FRMPD2: variants seen among roughly 807,000 people sequenced by gnomAD.
FRMPD2 encodes FERM and PDZ domain containing 2.
A neutral mutation model predicts 140.1 loss-of-function variants in FRMPD2; 96 were observed. The observed-to-expected ratio is 0.69, with a 90% CI of 0.58 to 0.81. FRMPD2 has a LOEUF of 0.81. Ranked by LOEUF, FRMPD2 falls within the 40% of genes least tolerant of loss-of-function variation. The probability of loss-of-function intolerance (pLI) is 0.00; values close to 1 mark genes in which losing one functional copy is unlikely to be tolerated. For synonymous variants in FRMPD2, 449 were observed against 547.6 expected, an observed-to-expected ratio of 0.82 and a Z score of 2.52; for missense variants, 1,240 against 1,447.4, an observed-to-expected ratio of 0.86 and a Z score of 2.32.
intron 12 of FRMPD2, among the ~76,000 whole-genome samples, chr10:48,212,401 G>GCATTGT (rs1839348456): frequency 6.6e-6 from 1 of 152,136 alleles, no homozygotes; most frequent in Non-Finnish European, 1.5e-5. Context: ...TCTGAAGATG[G>GCATTGT]CATTGTCATT....
At chr10:48,179,012 G>A (rs1838479362) in intron 21 of FRMPD2, 2 of 151,038 alleles carry the variant, frequency 1.3e-5, no homozygotes, top group South Asian at 4.3e-4. Context: ...TACATATAAA[G>A]TGCTCAGGAC....
intron 5 of FRMPD2, 103 bp from the exon 6 acceptor site, chr10:48,240,595 C>T (rs1379467822): frequency 9.4e-6 from 14 of 1,487,898 alleles, no homozygotes; most frequent in Non-Finnish European, 1.3e-5. Flanking sequence ...GTGGAATTGT[C>T]TGCCCTATAC....
chr10:48,203,582 G>A (rs144459866), intron 14 of FRMPD2, among the ~76,000 whole-genome samples: 1 of 152,102 alleles, frequency 6.6e-6, no homozygotes, highest in Non-Finnish European at 1.5e-5. Context: ...CAAAGCATCA[G>A]TTTACCATTT....
chr10:48,274,612 C>A lies in FRMPD2; in HGVS notation c.-45G>T. On this transcript the variant is annotated 5_prime_UTR_variant, in exon 1 of 29. Transcript: ENST00000374201. Reference sequence around the variant, plus strand: ...GGTCTAGGCCTTCATCATGGGACAACTTTCCAACAAGGAGCAGGGGTCTCT... The same window carrying A: ...GGTCTAGGCCTTCATCATGGGACAAATTTCCAACAAGGAGCAGGGGTCTCT... The A allele has an allele frequency of 6.2e-7, 1 of 1,604,806 alleles. No individual in the cohort carries two copies. Among genetic ancestry groups the A allele is most frequent in the Non-Finnish European group, 8.5e-7 (1 of 1,172,460 alleles).
At chr10:48,259,237 A>T (rs1381315706) in intron 1 of FRMPD2, among the ~76,000 whole-genome samples, 1 of 152,222 alleles carries the variant, frequency 6.6e-6, no homozygotes, top group East Asian at 1.9e-4. Flanking sequence ...GAGTTTTCAT[A>T]AACTTCTGTG....
chr10:48,236,533 G>A lies in FRMPD2; in HGVS notation c.942C>T (p.Ile314=), dbSNP rs1486406776. The A allele has an allele frequency of 6.2e-7, 1 of 1,614,150 alleles. No individual in the cohort carries two copies. Among genetic ancestry groups the A allele is most frequent in the South Asian group, 1.1e-5 (1 of 91,074 alleles). The stretch of plus-strand genomic sequence containing the variant: ...TCATCGGGGCCTCTCCAGCCAACAG[G>A]ATGAACTCTGGCCTGGAAAACTGGA... ...RRSKFSRPEF[I]LLAGEAPMTL... Residue 314 remains isoleucine, a synonymous_variant, in exon 9 of 29, where the codon ATC becomes ATT. Transcript: ENST00000374201.
Position 48,256,311 on chromosome 10 carries a change from G to A in FRMPD2, c.26-4620C>T, listed in dbSNP as rs141121203. ...GCTGCAGGGATCAGCCACCTCACCC[G>A]GGCGGCACACCGTATGCATTAGTTG... On this transcript the variant is annotated intron_variant, in intron 1 of 28. Coordinates refer to ENST00000374201, the MANE Select transcript of FRMPD2 (RefSeq NM_001018071.4). Among the ~76,000 whole-genome samples the A allele has an allele frequency of 5.0e-3, 735 of 148,376 alleles. 7 individuals are homozygous for A. The highest frequency in any genetic ancestry group is 0.016 in the African/African-American group (654 of 40,876).
intron 10 of FRMPD2, 88 bp from the exon 11 acceptor site, chr10:48,223,358 T>C: frequency 2.2e-6 from 3 of 1,339,642 alleles, no homozygotes; most frequent in Non-Finnish European, 2.0e-6. Context: ...CTACCCAGAG[T>C]GTCACACACG....
chr10:48,191,869 C>T (rs1188837134), intron 16 of FRMPD2, among the ~76,000 whole-genome samples: 2 of 152,166 alleles, frequency 1.3e-5, no homozygotes, highest in East Asian at 3.9e-4. Flanking sequence ...ATAAGAAACT[C>T]ATCAATAGGA....
At chr10:48,265,375 TTAAAC>T (rs1352888525) in intron 1 of FRMPD2, among the ~76,000 whole-genome samples, 1 of 152,096 alleles carries the variant, frequency 6.6e-6, no homozygotes, top group African/African-American at 2.4e-5. Context: ...TGGAATCTAA[TTAAAC>T]TAAAGAGCTT....
At chr10:48,186,149 AG>A (rs1838679624) in intron 17 of FRMPD2, among the ~76,000 whole-genome samples, 1 of 152,194 alleles carries the variant, frequency 6.6e-6, no homozygotes, top group Non-Finnish European at 1.5e-5. Flanking sequence ...TGGATCATGG[AG>A]GAGCCCCAGG....
chr10:48,215,635 C>A (rs1839428499), intron 12 of FRMPD2, among the ~76,000 whole-genome samples: 1 of 152,140 alleles, frequency 6.6e-6, no homozygotes, highest in African/African-American at 2.4e-5. Context: ...AAAAGGTCTG[C>A]CTTTGGGGGC....
intron 2 of FRMPD2, among the ~76,000 whole-genome samples, chr10:48,250,970 T>A (rs1840365680): frequency 6.6e-6 from 1 of 151,218 alleles, no homozygotes; most frequent in South Asian, 2.1e-4. Context: ...CAAATTTTTT[T>A]TTTTGTATTT....
Position 48,236,496 on chromosome 10 carries a change from G to A in FRMPD2, c.979C>T (p.Pro327Ser). The A allele has an allele frequency of 1.2e-6, 2 of 1,614,130 alleles. No individual in the cohort carries two copies. The highest frequency in any genetic ancestry group is 1.7e-6 in the Non-Finnish European group (2 of 1,179,990). Residue 327 changes from proline (P) to serine (S), a missense_variant, in exon 9 of 29, where the codon CCG (proline) becomes TCG (serine). By Grantham distance (74) the Pro-to-Ser change is moderately conservative (BLOSUM62 -1). This residue lies in a region of FRMPD2 where 1,161 missense variants were observed against 1,055.9 expected (regional missense o/e 1.10). Coordinates refer to ENST00000374201, the MANE Select transcript of FRMPD2 (RefSeq NM_001018071.4). ...AGEAPMTLHL[P>S]GSVVTKKGKS... ...CCAGTAGTTACCACAACCGATCCCGGCAGATGTAGTGTCATCGGGGCCTCT... is the reference window on the plus strand; with the variant it reads ...CCAGTAGTTACCACAACCGATCCCGACAGATGTAGTGTCATCGGGGCCTCT...
chr10:48,271,218 C>T (rs1488691172), intron 1 of FRMPD2, among the ~76,000 whole-genome samples: 1 of 152,144 alleles, frequency 6.6e-6, no homozygotes, highest in Non-Finnish European at 1.5e-5. Flanking sequence ...TGTCCTTCTG[C>T]AGGCTCTGTG....
At chr10:48,193,941 A>G (rs767288992) in intron 15 of FRMPD2, among the ~76,000 whole-genome samples, 15 of 152,232 alleles carry the variant, frequency 9.9e-5, no homozygotes, top group Non-Finnish European at 2.2e-4. Context: ...AATTTTCTGC[A>G]TGCATGAGGC....
intron 13 of FRMPD2, among the ~76,000 whole-genome samples, chr10:48,210,055 A>G (rs1678274718): frequency 6.6e-6 from 1 of 152,234 alleles, no homozygotes; most frequent in South Asian, 2.1e-4. Flanking sequence ...AGAAGGATGA[A>G]TATACCTAAA....
At chr10:48,216,321 T>TAGATAGAC (rs1554795999) in intron 12 of FRMPD2, among the ~76,000 whole-genome samples, 52 of 152,210 alleles carry the variant, frequency 3.4e-4, no homozygotes, top group African/African-American at 1.1e-3. Flanking sequence ...GATAGATAGA[T>TAGATAGAC]AGATAGATGA....
intron 4 of FRMPD2, among the ~76,000 whole-genome samples, chr10:48,243,994 T>C (rs1027306941): frequency 3.9e-5 from 6 of 152,250 alleles, no homozygotes; most frequent in African/African-American, 1.2e-4. Flanking sequence ...AGTTCTTTTT[T>C]GAGACAGGGT....
Sources: allele counts gnomAD v4.1 joint callset (sites outside exome capture counted in the v4.1 genomes callset), GRCh38; gene constraint gnomAD v4.1.1; regional missense constraint gnomAD v4.1.1; transcripts MANE v1.5; gene names NCBI Gene and HGNC (gene_info 2026-07-23, HGNC 2026-07-21).